The following DAB1 variants were observed in gnomAD, a reference collection of about 807,000 sequenced individuals.
DAB1 encodes the protein DAB adaptor protein 1, also known as disabled homolog 1.
DAB1 carries 15 observed loss-of-function variants against 64.6 expected under a neutral mutation model. The observed-to-expected ratio is 0.23, with a 90% confidence interval of 0.16 to 0.36. The LOEUF (loss-of-function observed/expected upper bound fraction) is 0.36, where lower values mean the gene tolerates loss of function less well. Among genes scored for constraint, DAB1 ranks in the 10% least tolerant of loss-of-function variants. The pLI is 1.00. For synonymous variants in DAB1, 235 were observed against 251.9 expected (o/e 0.93, Z 0.64); for missense variants, 596 against 706.7 (o/e 0.84, Z 1.78).
At chr1:58,293,400 G>T (rs1319605826) in intron 4 of DAB1, among the ~76,000 whole-genome samples, 1 of 152,104 alleles carries the variant, frequency 6.6e-6, no homozygotes, top group Non-Finnish European at 1.5e-5. Context: ...CAAATGCTCA[G>T]CAGAGCCAAA....
At chr1:57,552,148 A>C (rs954693740) in intron 7 of DAB1, among the ~76,000 whole-genome samples, 6 of 152,108 alleles carry the variant, frequency 3.9e-5, no homozygotes, top group African/African-American at 1.4e-4. Flanking sequence ...GTCTGGTGGG[A>C]TCTTTCTCAC....
chr1:57,206,531 C>T (rs140805698), intron 2 of DAB1, among the ~76,000 whole-genome samples: 245 of 152,334 alleles, frequency 1.6e-3, no homozygotes, highest in African/African-American at 5.7e-3. Flanking sequence ...TGTGCCTCCT[C>T]GCTGTCTCTT....
intron 4 of DAB1, among the ~76,000 whole-genome samples, chr1:57,110,391 G>A (rs1182267383): frequency 6.6e-6 from 1 of 152,232 alleles, no homozygotes; most frequent in African/African-American, 2.4e-5. Flanking sequence ...GATCTGCCAT[G>A]AATGGGGTTT....
chr1:57,136,632 C>A lies in DAB1; in HGVS notation c.217G>T (p.Ala73Ser), dbSNP rs1213636754. Residue 73 changes from alanine (A) to serine (S), a missense_variant, in exon 4 of 15, where the codon GCT (alanine) becomes TCT (serine). This residue lies in a region of DAB1 where 176 missense variants were observed against 266.7 expected (regional missense o/e 0.66). Coordinates refer to ENST00000371236, the MANE Select transcript of DAB1 (RefSeq NM_001365792.1). Reference sequence around the variant, plus strand: ...TGTTCTCCTTTGGAACGAGCGCCAGCAACAACGCCCTGTTGAAAGGAAGAA... The same window carrying A: ...TGTTCTCCTTTGGAACGAGCGCCAGAAACAACGCCCTGTTGAAAGGAAGAA... ...DSMMKLKGVV[A>S]GARSKGEHKQ... 1 of 1,521,440 alleles carries A rather than the reference C, an allele frequency of 6.6e-7. No individual in the cohort carries two copies. Among genetic ancestry groups the A allele is most frequent in the Non-Finnish European group, 8.9e-7 (1 of 1,118,158 alleles). 94.2% of individuals were successfully genotyped at this position (1,521,440 alleles called of 1,614,324 possible).
At chr1:57,044,046 CT>C (rs1648147521) in intron 9 of DAB1, among the ~76,000 whole-genome samples, 1 of 152,140 alleles carries the variant, frequency 6.6e-6, no homozygotes, top group African/African-American at 2.4e-5. Context: ...TTGCCCTTGT[CT>C]TTCTCTGTTC....
chr1:57,625,381 AG>A lies in DAB1; in HGVS notation n.625+24210del, dbSNP rs559543843. Among the ~76,000 whole-genome samples the A allele has an allele frequency of 2.6e-4, 40 of 152,056 alleles. No individual in the cohort carries two copies. In the South Asian group the frequency reaches 6.6e-3, roughly 25 times the overall value. On this transcript the variant is annotated intron_variant and non_coding_transcript_variant, in intron 7 of 20. Transcript: ENST00000485760. ...CCCTTATCTCACTCACCGCGTCTAT[AG>A]GGACAGGCCAGCCACTGGGCTAGGC... is the stretch of plus-strand genomic sequence containing the variant.
At chr1:57,195,575 T>G (rs1664558941) in intron 2 of DAB1, among the ~76,000 whole-genome samples, 1 of 152,270 alleles carries the variant, frequency 6.6e-6, no homozygotes, top group African/African-American at 2.4e-5. Flanking sequence ...AGCTGAGGGC[T>G]GAACCCAGTT....
intron 4 of DAB1, among the ~76,000 whole-genome samples, chr1:58,193,275 T>C (rs1657488639): frequency 6.6e-6 from 1 of 152,178 alleles, no homozygotes; most frequent in Non-Finnish European, 1.5e-5. Context: ...CCATGTGATC[T>C]CAGCACGTTC....
At chr1:57,182,493 C>T (rs1030433907) in intron 2 of DAB1, among the ~76,000 whole-genome samples, 1 of 152,152 alleles carries the variant, frequency 6.6e-6, no homozygotes, top group African/African-American at 2.4e-5. Context: ...TCACAAGGCC[C>T]CTTACTGTTT....
At chr1:58,361,332 C>A (rs1303908793) in intron 3 of DAB1, among the ~76,000 whole-genome samples, 1 of 152,248 alleles carries the variant, frequency 6.6e-6, no homozygotes, top group Non-Finnish European at 1.5e-5. Flanking sequence ...GGTGTCCCCA[C>A]TAGGTGCATT....
At chr1:57,609,256 AT>A (rs1645696833) in intron 7 of DAB1, among the ~76,000 whole-genome samples, 2 of 152,198 alleles carry the variant, frequency 1.3e-5, no homozygotes, top group Admixed American at 1.3e-4. Context: ...AGAAAGTAAA[AT>A]TGATGATCGT....
At chr1:57,291,697 G>A (rs1175454782) in intron 1 of DAB1, among the ~76,000 whole-genome samples, 3 of 152,294 alleles carry the variant, frequency 2.0e-5, no homozygotes, top group East Asian at 1.9e-4. Context: ...ATTCCAGCAA[G>A]CCAATTTTTA....
At position 57,421,902 on chromosome 1, in the gene DAB1, C is replaced by CGGGGGGGGGGGGGGGGG. The variant is rs1309675216; in HGVS notation, c.-137+2027_-137+2028insCCCCCCCCCCCCCCCCC. Among the ~76,000 whole-genome samples the CGGGGGGGGGGGGGGGGG allele has an allele frequency of 5.1e-4, 6 of 11,704 alleles. 1 individual carries two copies. Among genetic ancestry groups the CGGGGGGGGGGGGGGGGG allele is most frequent in the Non-Finnish European group, 6.8e-4 (4 of 5,910 alleles). The allele number at this position is 11,704 out of a possible 152,430, so 7.7% of individuals were successfully genotyped here. A position where few individuals can be genotyped will look rare whatever the true frequency, so the allele number is the denominator to read the frequency against. The stretch of plus-strand genomic sequence containing the variant: ...AGGGAGTGAAAGAGATGGGGGGTGG[C>CGGGGGGGGGGGGGGGGG]GGGGGGGGGGGTGGCGGGGGGGGGT... On this transcript the variant is annotated intron_variant, in intron 1 of 14. Transcript: ENST00000371236.
chr1:58,383,509 T>C (rs1376106995), intron 3 of DAB1, among the ~76,000 whole-genome samples: 1 of 152,218 alleles, frequency 6.6e-6, no homozygotes, highest in Non-Finnish European at 1.5e-5. Flanking sequence ...AATACCATTT[T>C]TGTCATCTGA....
At chr1:58,410,240 T>C (rs1164380659) in intron 3 of DAB1, among the ~76,000 whole-genome samples, 2 of 152,216 alleles carry the variant, frequency 1.3e-5, no homozygotes, top group African/African-American at 4.8e-5. Context: ...ATAAGATCTT[T>C]AAGGATGCTT....
At chr1:58,211,261 T>A (rs1658537300) in intron 4 of DAB1, among the ~76,000 whole-genome samples, 1 of 152,182 alleles carries the variant, frequency 6.6e-6, no homozygotes, top group African/African-American at 2.4e-5. Flanking sequence ...TCATAGAATC[T>A]CCCTTTGTTC....
At chr1:57,400,837 C>T (rs966557094) in intron 1 of DAB1, among the ~76,000 whole-genome samples, 6 of 152,010 alleles carry the variant, frequency 3.9e-5, no homozygotes, top group African/African-American at 9.7e-5. Context: ...CAGGCACTGA[C>T]GTTGATGTGG....
At position 57,992,788 on chromosome 1, in the gene DAB1, G is replaced by T. The variant is rs578229325; in HGVS notation, n.388-108626C>A. ...TCTAGATGCTGTGTTTTCACTGCTTGATTGCCCTTACTATTATTATCTACA... is the reference window on the plus strand; with the variant it reads ...TCTAGATGCTGTGTTTTCACTGCTTTATTGCCCTTACTATTATTATCTACA... On this transcript the variant is annotated intron_variant and non_coding_transcript_variant, in intron 5 of 20. Coordinates refer to the DAB1 transcript ENST00000485760. Among the ~76,000 whole-genome samples, 154 of 151,822 alleles carry T rather than the reference G, an allele frequency of 1.0e-3. 1 individual carries two copies. Among genetic ancestry groups the T allele is most frequent in the Non-Finnish European group, 2.6e-4 (18 of 67,982 alleles).
chr1:58,101,176 G>C (rs1327429302), intron 5 of DAB1, among the ~76,000 whole-genome samples: 1 of 152,142 alleles, frequency 6.6e-6, no homozygotes, highest in African/African-American at 2.4e-5. Flanking sequence ...AATTAGCCGG[G>C]CATGGTGGTG....
Sources: gnomAD v4.1 joint callset for allele counts (sites outside exome capture counted in the v4.1 genomes callset) on GRCh38, gnomAD v4.1.1 for gene constraint, gnomAD v4.1.1 regional missense constraint, MANE v1.5 for transcripts, NCBI Gene and HGNC (gene_info 2026-07-23, HGNC 2026-07-21) for gene names.